The following DENND3 variants were observed in gnomAD, a reference collection of about 807,000 sequenced individuals.
DENND3 encodes the protein DENN domain containing 3.
Under a neutral mutation model 135.1 loss-of-function variants are expected in DENND3, and 88 were observed. The ratio of observed to expected loss-of-function variants is 0.65; its 90% CI spans 0.55 to 0.78. The LOEUF is 0.78. Ranked by LOEUF, DENND3 falls within the 30% of genes least tolerant of loss-of-function variation. DENND3 has a pLI of 0.00. For synonymous variants in DENND3, 693 were observed against 712.3 expected, an observed-to-expected ratio of 0.97 and a Z score of 0.43; for missense variants, 1,392 against 1,688.4, an observed-to-expected ratio of 0.82 and a Z score of 3.08.
chr8:141,134,869 C>G (rs1254343574), intron 1 of DENND3, among the ~76,000 whole-genome samples: 1 of 151,520 alleles, frequency 6.6e-6, no homozygotes, highest in African/African-American at 2.4e-5. Flanking sequence ...CTTGCTCTGT[C>G]GCGCAGGCTG....
At chr8:141,165,942 C>T (rs1023481240) in intron 11 of DENND3, among the ~76,000 whole-genome samples, 3 of 152,134 alleles carry the variant, frequency 2.0e-5, no homozygotes, top group East Asian at 3.9e-4. Flanking sequence ...TCCTGAGCCC[C>T]CTCCAACATG....
chr8:141,181,263 A>G (rs1823062976), intron 17 of DENND3, among the ~76,000 whole-genome samples: 1 of 152,082 alleles, frequency 6.6e-6, no homozygotes, highest in African/African-American at 2.4e-5. Context: ...GATTCAAGTG[A>G]TTCTCCTGCC....
rs1411778925 is a variant in DENND3, at chr8:141,128,734, G to C, written c.27G>C (p.Leu9Phe). 1 of 1,440,988 alleles carries C rather than the reference G, an allele frequency of 6.9e-7. No individual in the cohort carries two copies. The highest frequency in any genetic ancestry group is 1.4e-5 in the South Asian group (1 of 73,806). 89.3% of individuals were successfully genotyped at this position (1,440,988 alleles called of 1,614,324 possible). A position where few individuals can be genotyped will look rare whatever the true frequency, so the allele number is the denominator to read the frequency against. The change falls in exon 1 of 23, where the codon TTG (leucine) becomes TTC (phenylalanine). Residue 9 changes from leucine to phenylalanine, a missense_variant. Leu to Phe is a conservative substitution (Grantham distance 22, BLOSUM62 0). Transcript: ENST00000519811. The surrounding 1 kb of genome is among the most constrained non-coding windows in gnomAD (Gnocchi z 4.5). ...TGGCGGAGGCCGCGTCGCCGCACTTGTCGCTGCCCTCGGGGCTGCTGGAGC... is the reference window on the plus strand; with the variant it reads ...TGGCGGAGGCCGCGTCGCCGCACTTCTCGCTGCCCTCGGGGCTGCTGGAGC... MAEAASPH[L>F]SLPSGLLELC...
At position 141,139,211 on chromosome 8, in the gene DENND3, G is replaced by A. The variant is rs543905519; in HGVS notation, c.501+1074G>A. Among the ~76,000 whole-genome samples the A allele has an allele frequency of 2.0e-5, 3 of 152,228 alleles. No individual in the cohort carries two copies. Among genetic ancestry groups the A allele is most frequent in the African/African-American group, 4.8e-5 (2 of 41,530 alleles). The stretch of plus-strand genomic sequence containing the variant: ...AGAAATGGCTGGCCTGGATTCCCTC[G>A]GAGCCCGGGACACGTGTTTTTGTTG... On this transcript the variant is annotated intron_variant, in intron 3 of 22. Coordinates refer to ENST00000519811, the MANE Select transcript of DENND3 (RefSeq NM_001352890.3). The surrounding 1 kb of genome is among the most constrained non-coding windows in gnomAD (Gnocchi z 4.2).
intron 1 of DENND3, among the ~76,000 whole-genome samples, chr8:141,133,152 G>C: frequency 6.6e-6 from 1 of 152,178 alleles, no homozygotes; most frequent in East Asian, 1.9e-4. Flanking sequence ...GTCTGCCCCC[G>C]TGCAGGTGGA....
intron 13 of DENND3, among the ~76,000 whole-genome samples, chr8:141,171,209 A>C (rs1055963555): frequency 1.3e-5 from 2 of 152,266 alleles, no homozygotes; most frequent in African/African-American, 2.4e-5. Context: ...TTGTTAAAAA[A>C]AACAACAAGG....
intron 3 of DENND3, among the ~76,000 whole-genome samples, chr8:141,140,740 T>G (rs1246198477): frequency 6.6e-6 from 1 of 152,184 alleles, no homozygotes; most frequent in Non-Finnish European, 1.5e-5. Context: ...CCCCAAATAC[T>G]TTGCCACTTG....
In DENND3 at chr8:141,130,757, G is replaced by GC. The variant is rs1199365669; in HGVS notation, c.102+1949dup. On this transcript the variant is annotated intron_variant, in intron 1 of 22. Transcript: ENST00000519811. This position sits in a 1 kb window ranked among gnomAD's most constrained non-coding sequence, Gnocchi z 4.2. The stretch of plus-strand genomic sequence containing the variant: ...GATGGAGTGCCATGGTGCAATCTCG[G>GC]CTCACTGCAATCTCCGCCTCCTGAG... 6.6e-6 allele frequency among the ~76,000 whole-genome samples: 1 copy of GC among 151,598 alleles called. No individual in the cohort carries two copies. The highest frequency in any genetic ancestry group is 6.6e-5 in the Admixed American group (1 of 15,218).
intron 5 of DENND3, chr8:141,150,414 TATTAA>T (rs1818660405): frequency 1.1e-6 from 1 of 871,172 alleles, no homozygotes. Context: ...GAGCTTTGAC[TATTAA>T]ATTGTCAAAG....
intron 13 of DENND3, among the ~76,000 whole-genome samples, chr8:141,169,181 G>A (rs1008727066): frequency 1.3e-5 from 2 of 152,222 alleles, no homozygotes; most frequent in Admixed American, 6.5e-5. Context: ...AATGCTTAAC[G>A]ACAGTGGTCA....
At chr8:141,162,866 A>AT (rs1820306131) in intron 9 of DENND3, among the ~76,000 whole-genome samples, 1 of 152,186 alleles carries the variant, frequency 6.6e-6, no homozygotes, top group African/African-American at 2.4e-5. Context: ...GTGAGCCAAG[A>AT]TTGTGCCACT....
chr8:141,167,874 G>T lies in DENND3; in HGVS notation c.1754-130G>T. 7.5e-7 allele frequency: 1 copy of T among 1,326,400 alleles called. No individual in the cohort carries two copies. Among genetic ancestry groups the T allele is most frequent in the East Asian group, 2.3e-5 (1 of 42,882 alleles). 82.2% of individuals were successfully genotyped at this position (1,326,400 alleles called of 1,614,324 possible). On this transcript the variant is annotated intron_variant, in intron 12 of 22. Transcript: ENST00000519811. This position sits in a 1 kb window ranked among gnomAD's most constrained non-coding sequence, Gnocchi z 4.1. The stretch of plus-strand genomic sequence containing the variant: ...GGGTGGGTGTGTGGAGCTTTCTGGA[G>T]GGAGCACACCCATTCTCATTTTATT...
intron 22 of DENND3, 122 bp from the exon 23 acceptor site, chr8:141,193,911 C>A: frequency 1.1e-5 from 13 of 1,136,660 alleles, no homozygotes; most frequent in Non-Finnish European, 1.6e-5. Flanking sequence ...GCGGCAGAGG[C>A]CCTGTCCAGG....
Position 141,166,224 on chromosome 8 carries a change from A to G in DENND3, c.1588A>G (p.Thr530Ala), listed in dbSNP as rs1395594172. ...NGMLLSPRRP[T>A]VEKRASRKSS... ...AATGCTTCTAAGTCCAAGGAGACCG[A>G]CCGTTGAGAAAAGAGCCTCCCGGAA... Residue 530 changes from threonine (T) to alanine (A), a missense_variant, in exon 12 of 23, where the codon ACC becomes GCC. Coordinates refer to ENST00000519811, the MANE Select transcript of DENND3 (RefSeq NM_001352890.3). The surrounding 1 kb of genome is among the most constrained non-coding windows in gnomAD (Gnocchi z 4.3). 1.2e-6 allele frequency: 2 copies of G among 1,614,172 alleles called. No homozygotes were observed. The highest frequency in any genetic ancestry group is 1.7e-6 in the Non-Finnish European group (2 of 1,180,038).
chr8:141,190,243 G>GCT, intron 19 of DENND3, 41 bp from the exon 20 acceptor site: 1 of 1,515,746 alleles, frequency 6.6e-7, no homozygotes, highest in Non-Finnish European at 8.9e-7. Context: ...TGTTTTCAGG[G>GCT]GCCCAAGTTA....
chr8:141,173,655 A>T (rs1394520043), intron 13 of DENND3: 1 of 152,234 alleles, frequency 6.6e-6, no homozygotes, highest in Non-Finnish European at 1.5e-5. Context: ...ATGGAATCGG[A>T]ACAGGGCGTG....
chr8:141,192,464 GCTGTGGGCC>G lies in DENND3; in HGVS notation c.3498+17_3498+25del, dbSNP rs1569557195. ...TCCTTCCTGAGGTATCCCAGCAGGG[GCTGTGGGCC>G]CAGCATGTGCGTGGCCCGGGGCCCA... On this transcript the variant is annotated intron_variant, in intron 21 of 22. Transcript: ENST00000519811. 6.2e-7 allele frequency: 1 copy of G among 1,613,982 alleles called. No individual in the cohort carries two copies. Among genetic ancestry groups the G allele is most frequent in the Non-Finnish European group, 8.5e-7 (1 of 1,179,892 alleles).
intron 16 of DENND3, among the ~76,000 whole-genome samples, chr8:141,178,907 G>A (rs1589685880): frequency 6.6e-6 from 1 of 152,228 alleles, no homozygotes. Flanking sequence ...AGGACGTTTG[G>A]TCTGTCCCTT....
At chr8:141,151,054 T>C (rs1463402233) in intron 6 of DENND3, 101 bp downstream of exon 6, 1 of 1,402,900 alleles carries the variant, frequency 7.1e-7, no homozygotes, top group Non-Finnish European at 9.3e-7. Flanking sequence ...TATTCCACAA[T>C]GCACCGACTG....
Sources: gnomAD v4.1 joint callset for allele counts (sites outside exome capture counted in the v4.1 genomes callset) on GRCh38, gnomAD v4.1.1 for gene constraint, Gnocchi (gnomAD v3.1) non-coding constraint, MANE v1.5 for transcripts, NCBI Gene and HGNC (gene_info 2026-07-23, HGNC 2026-07-21) for gene names.